DCC: variants seen among roughly 807,000 people sequenced by gnomAD.
DCC encodes DCC netrin 1 receptor.
DCC carries 58 observed loss-of-function variants against 172.5 expected under a neutral mutation model. The ratio of observed to expected loss-of-function variants is 0.34; its 90% CI spans 0.27 to 0.42. The LOEUF (loss-of-function observed/expected upper bound fraction) is 0.42, where lower values mean the gene tolerates loss of function less well. DCC is among the 10% of genes least tolerant of loss of function. DCC has a pLI of 1.00. For missense variants in DCC, 1,740 were observed against 1,791.0 expected, an observed-to-expected ratio of 0.97 and a Z score of 0.51; for synonymous variants, 709 against 644.5, an observed-to-expected ratio of 1.10 and a Z score of -1.52.
intron 7 of DCC, among the ~76,000 whole-genome samples, chr18:53,116,240 C>T (rs1598817658): frequency 6.6e-6 from 1 of 151,736 alleles, no homozygotes. Context: ...TGAAAGTACA[C>T]TCCACAGTGT....
chr18:52,470,879 C>T (rs1050106162), intron 1 of DCC, among the ~76,000 whole-genome samples: 3 of 152,138 alleles, frequency 2.0e-5, no homozygotes, highest in Non-Finnish European at 4.4e-5. Flanking sequence ...CACAAACACA[C>T]TAAACATTAA....
At chr18:53,008,055 C>T (rs2041671683) in intron 5 of DCC, among the ~76,000 whole-genome samples, 1 of 152,070 alleles carries the variant, frequency 6.6e-6, no homozygotes, top group South Asian at 2.1e-4. Context: ...TGAAGCAACA[C>T]CAGAATTTGT....
chr18:52,666,997 T>A (rs2035468563), intron 1 of DCC, among the ~76,000 whole-genome samples: 1 of 152,182 alleles, frequency 6.6e-6, no homozygotes, highest in African/African-American at 2.4e-5. Flanking sequence ...AATTGAATTC[T>A]GTAAAAGTTA....
chr18:53,114,119 G>A (rs1396523855), intron 7 of DCC, among the ~76,000 whole-genome samples: 7 of 151,344 alleles, frequency 4.6e-5, no homozygotes, highest in South Asian at 4.1e-4. Flanking sequence ...CTTTGCAATC[G>A]TAACTTGTGC....
At chr18:53,510,802 T>C (rs1310309422) in intron 27 of DCC, among the ~76,000 whole-genome samples, 3 of 152,164 alleles carry the variant, frequency 2.0e-5, no homozygotes, top group African/African-American at 7.2e-5. Context: ...TATTCCTTCT[T>C]CTACCTCTTT....
Position 52,618,976 on chromosome 18 carries a change from C to T in DCC, c.92-133078C>T, listed in dbSNP as rs367673186. 2.6e-5 allele frequency among the ~76,000 whole-genome samples: 4 copies of T among 152,232 alleles called. No individual in the cohort carries two copies. The East Asian group carries it at 5.8e-4, about 22-fold the overall frequency. Reference sequence around the variant, plus strand: ...TAATTGACACAGAGTTTGCATTTGTCGCCCAGGCTGGAGTGCAATGGCACA... The same window carrying T: ...TAATTGACACAGAGTTTGCATTTGTTGCCCAGGCTGGAGTGCAATGGCACA... On this transcript the variant is annotated intron_variant, in intron 1 of 28. Transcript: ENST00000442544.
At chr18:52,775,408 G>A (rs188130967) in intron 2 of DCC, among the ~76,000 whole-genome samples, 1 of 152,196 alleles carries the variant, frequency 6.6e-6, no homozygotes, top group African/African-American at 2.4e-5. Context: ...CTACCTTGTC[G>A]CAAGGACAGA....
intron 9 of DCC, among the ~76,000 whole-genome samples, chr18:53,193,653 G>A (rs1254226908): frequency 1.3e-5 from 2 of 152,042 alleles, no homozygotes; most frequent in Non-Finnish European, 1.5e-5. Context: ...GGATTTGCTG[G>A]CATCTTGGGC....
chr18:52,846,567 T>A (rs1470083088), intron 2 of DCC, among the ~76,000 whole-genome samples: 1 of 146,692 alleles, frequency 6.8e-6, no homozygotes, highest in African/African-American at 2.5e-5. Context: ...CAGATTTAAC[T>A]GCTTCCTCCT....
chr18:52,575,083 G>A (rs2033379339), intron 1 of DCC, among the ~76,000 whole-genome samples: 1 of 152,126 alleles, frequency 6.6e-6, no homozygotes, highest in Admixed American at 6.6e-5. Context: ...ATGACATCTG[G>A]AATTTAGCAG....
chr18:52,795,924 A>G (rs886987239), intron 2 of DCC, among the ~76,000 whole-genome samples: 9 of 152,102 alleles, frequency 5.9e-5, no homozygotes, highest in African/African-American at 1.7e-4. Context: ...ATATTGTTCA[A>G]TAATGTTATT....
At chr18:53,096,433 G>A (rs771819939) in intron 7 of DCC, among the ~76,000 whole-genome samples, 9 of 152,240 alleles carry the variant, frequency 5.9e-5, no homozygotes, top group Middle Eastern at 6.8e-3. Flanking sequence ...TAACAACTGC[G>A]TGGTCAGATC....
intron 5 of DCC, among the ~76,000 whole-genome samples, chr18:52,956,285 C>A (rs1397683586): frequency 6.6e-6 from 1 of 151,698 alleles, no homozygotes; most frequent in Non-Finnish European, 1.5e-5. Flanking sequence ...TGTAGATATC[C>A]AGTTGTTTCA....
At chr18:52,508,260 A>G (rs1047613364) in intron 1 of DCC, among the ~76,000 whole-genome samples, 3 of 152,152 alleles carry the variant, frequency 2.0e-5, no homozygotes, top group African/African-American at 7.2e-5. Flanking sequence ...TCAGTTGAGG[A>G]TCTCCTTGTT....
chr18:52,688,516 T>C (rs2035878299), intron 1 of DCC, among the ~76,000 whole-genome samples: 1 of 152,008 alleles, frequency 6.6e-6, no homozygotes, highest in Non-Finnish European at 1.5e-5. Context: ...TAGATAAAGA[T>C]TTAAAGTAGC....
At chr18:53,468,845 C>A (rs556834156) in intron 25 of DCC, among the ~76,000 whole-genome samples, 3 of 152,294 alleles carry the variant, frequency 2.0e-5, no homozygotes, top group African/African-American at 7.2e-5. Flanking sequence ...ATCTGAGAAT[C>A]ACTTCCTTTC....
chr18:52,887,363 A>G (rs1473078500), intron 2 of DCC, among the ~76,000 whole-genome samples: 1 of 151,842 alleles, frequency 6.6e-6, no homozygotes, highest in African/African-American at 2.4e-5. Context: ...AGCCAAACAT[A>G]TTATTTTCTA....
intron 2 of DCC, among the ~76,000 whole-genome samples, chr18:52,819,119 C>A (rs1297107454): frequency 6.6e-6 from 1 of 151,860 alleles, no homozygotes; most frequent in East Asian, 1.9e-4. Flanking sequence ...ATGTAGGTAA[C>A]CCCTGATTAA....
intron 2 of DCC, among the ~76,000 whole-genome samples, chr18:52,904,684 ATC>A (rs2039855413): frequency 1.3e-5 from 2 of 152,326 alleles, no homozygotes; most frequent in South Asian, 4.1e-4. Context: ...GTTGACTTAA[ATC>A]TATAAAATAA....
Sources: allele counts gnomAD v4.1 joint callset (sites outside exome capture counted in the v4.1 genomes callset), GRCh38; gene constraint gnomAD v4.1.1; transcripts MANE v1.5; gene names NCBI Gene and HGNC (gene_info 2026-07-23, HGNC 2026-07-21).